Variants in CFAP54 observed in about 807,000 individuals in gnomAD.
The protein encoded by CFAP54 is cilia and flagella associated protein 54.
In CFAP54, 290 loss-of-function variants were observed where a neutral mutation model predicts 370.4. That is an observed-to-expected ratio of 0.78 (90% CI 0.71 to 0.86). CFAP54 has a LOEUF of 0.86. CFAP54 is among the 40% of genes least tolerant of loss of function. The pLI is 0.00. For synonymous variants in CFAP54, 1,206 were observed against 1,236.5 expected, an observed-to-expected ratio of 0.98 and a Z score of 0.52; for missense variants, 3,399 against 3,528.7, an observed-to-expected ratio of 0.96 and a Z score of 0.93.
intron 60 of CFAP54, among the ~76,000 whole-genome samples, chr12:96,766,462 C>T (rs1958402871): frequency 6.6e-6 from 1 of 152,112 alleles, no homozygotes; most frequent in Non-Finnish European, 1.5e-5. Context: ...GAGCTGGTCA[C>T]CACTTCTTTG....
At chr12:96,824,560 A>G (rs1216662417) in intron 65 of CFAP54, among the ~76,000 whole-genome samples, 2 of 152,188 alleles carry the variant, frequency 1.3e-5, no homozygotes, top group Non-Finnish European at 2.9e-5. Context: ...TAAGGGGTAT[A>G]TAGGAGTGGA....
intron 66 of CFAP54, among the ~76,000 whole-genome samples, chr12:96,837,718 G>T (rs760340110): frequency 6.6e-6 from 1 of 152,136 alleles, no homozygotes; most frequent in East Asian, 1.9e-4. Flanking sequence ...CAGTGATTTC[G>T]AGGCCATTGA....
chr12:96,589,506 T>C lies in CFAP54; in HGVS notation c.3155T>C (p.Leu1052Pro). The part of the protein sequence containing the change: ...PVWDYFVASP[L>P]QDEQSVICLS... Reference sequence around the variant, plus strand: ...TGGGATTATTTTGTTGCTTCGCCACTTCAGGATGAACAATCTGTTATTTGT... The same window carrying C: ...TGGGATTATTTTGTTGCTTCGCCACCTCAGGATGAACAATCTGTTATTTGT... The change falls in exon 23 of 68, where the codon CTT becomes CCT. Residue 1052 changes from leucine (L) to proline (P), a missense_variant. This residue lies in a region of CFAP54 where 2,796 missense variants were observed against 2,869.7 expected (regional missense o/e 0.97). Transcript: ENST00000524981. 1 of 1,502,024 alleles carries C rather than the reference T, an allele frequency of 6.7e-7. No individual in the cohort carries two copies. Among genetic ancestry groups the C allele is most frequent in the Non-Finnish European group, 9.0e-7 (1 of 1,116,086 alleles). The allele number at this position is 1,502,024 out of a possible 1,614,324, so 93.0% of individuals were successfully genotyped here. A position where few individuals can be genotyped will look rare whatever the true frequency, so the allele number is the denominator to read the frequency against.
At chr12:96,825,613 T>A (rs1430822895) in intron 65 of CFAP54, among the ~76,000 whole-genome samples, 1 of 120,576 alleles carries the variant, frequency 8.3e-6, no homozygotes, top group Non-Finnish European at 1.6e-5. Context: ...ATATTATATA[T>A]GATATAATAT....
At chr12:96,544,410 A>ATCTCTC (rs71068815) in intron 14 of CFAP54, among the ~76,000 whole-genome samples, 13 of 148,120 alleles carry the variant, frequency 8.8e-5, no homozygotes, top group South Asian at 2.2e-4. Context: ...AAAACAGAAT[A>ATCTCTC]TCTCTCTCTC....
intron 26 of CFAP54, among the ~76,000 whole-genome samples, chr12:96,609,352 G>A (rs974009940): frequency 3.9e-5 from 6 of 152,150 alleles, no homozygotes; most frequent in Admixed American, 3.3e-4. Context: ...AAGATTATAT[G>A]AAAAATGCCA....
intron 17 of CFAP54, among the ~76,000 whole-genome samples, chr12:96,557,852 T>C (rs989777132): frequency 2.6e-4 from 39 of 152,066 alleles, no homozygotes; most frequent in Non-Finnish European, 5.1e-4. Context: ...GTGACCTGCA[T>C]ATACATAAAT....
intron 12 of CFAP54, among the ~76,000 whole-genome samples, chr12:96,537,613 A>T (rs1219263471): frequency 6.6e-6 from 1 of 152,100 alleles, no homozygotes; most frequent in Non-Finnish European, 1.5e-5. Flanking sequence ...AAGTGCTGGG[A>T]TTATAGGTCT....
intron 25 of CFAP54, among the ~76,000 whole-genome samples, chr12:96,598,052 T>C (rs1956196985): frequency 6.6e-6 from 1 of 151,944 alleles, no homozygotes; most frequent in Non-Finnish European, 1.5e-5. Flanking sequence ...ATTTGTCCTT[T>C]GGGTTAATCT....
intron 50 of CFAP54, among the ~76,000 whole-genome samples, chr12:96,721,646 TTTC>T (rs1256458529): frequency 6.6e-6 from 1 of 152,234 alleles, no homozygotes; most frequent in Non-Finnish European, 1.5e-5. Flanking sequence ...AATGCATACA[TTTC>T]TTATCATTCA....
At chr12:96,557,299 A>G (rs1955764035) in intron 17 of CFAP54, among the ~76,000 whole-genome samples, 1 of 152,202 alleles carries the variant, frequency 6.6e-6, no homozygotes, top group Non-Finnish European at 1.5e-5. Flanking sequence ...CAAAACATCA[A>G]TAATAAGACA....
chr12:96,623,288 T>G (rs1956519751), intron 27 of CFAP54, among the ~76,000 whole-genome samples: 1 of 152,138 alleles, frequency 6.6e-6, no homozygotes, highest in African/African-American at 2.4e-5. Context: ...GGCTGATTCT[T>G]AATCCACTAA....
chr12:96,671,663 T>C (rs968378314), intron 39 of CFAP54, among the ~76,000 whole-genome samples: 1 of 152,208 alleles, frequency 6.6e-6, no homozygotes, highest in South Asian at 2.1e-4. Flanking sequence ...GGCTTACGCC[T>C]GTAATCCCAG....
rs370483025 is a variant in CFAP54, at chr12:96,658,221, A to G, written c.5335A>G (p.Thr1779Ala). Reference sequence around the variant, plus strand: ...TTTACCCCTGTCTAGTGAGAGGTATACAGAACAAGTGACACCACTTCTGGT... The same window carrying G: ...TTTACCCCTGTCTAGTGAGAGGTATGCAGAACAAGTGACACCACTTCTGGT... ...QFNTVSHERY[T>A]EQVTPLLVYA... Residue 1779 changes from threonine to alanine, a missense_variant, in exon 38 of 68, where the codon ACA becomes GCA. Thr to Ala is a moderately conservative substitution (Grantham distance 58, BLOSUM62 0). Around this residue, in one of 3 missense-constraint regions of CFAP54, gnomAD observed 2,796 missense variants for 2,869.7 expected, o/e 0.97. Coordinates refer to ENST00000524981, the MANE Select transcript of CFAP54 (RefSeq NM_001306084.2). The G allele has an allele frequency of 1.5e-5, 25 of 1,613,928 alleles. No individual in the cohort carries two copies. The African/African-American group carries it at 2.5e-4, about 16-fold the overall frequency.
chr12:96,616,987 G>A (rs1000106746), intron 26 of CFAP54, among the ~76,000 whole-genome samples: 7 of 152,208 alleles, frequency 4.6e-5, no homozygotes, highest in African/African-American at 1.4e-4. Flanking sequence ...AGTGGAGGTA[G>A]AGAGAATGGA....
intron 46 of CFAP54, among the ~76,000 whole-genome samples, chr12:96,701,788 G>A (rs1341060903): frequency 1.3e-5 from 2 of 152,076 alleles, no homozygotes; most frequent in Non-Finnish European, 2.9e-5. Context: ...AGGAGGAGGA[G>A]GAGGGACCTA....
chr12:96,627,457 C>T (rs1956559903), intron 30 of CFAP54, among the ~76,000 whole-genome samples: 2 of 152,216 alleles, frequency 1.3e-5, no homozygotes, highest in South Asian at 2.1e-4. Context: ...AATTATGAGA[C>T]ATGCCAAATG....
chr12:96,539,052 C>A (rs1259839700), intron 13 of CFAP54, among the ~76,000 whole-genome samples: 5 of 138,746 alleles, frequency 3.6e-5, no homozygotes, highest in Non-Finnish European at 7.9e-5. Context: ...CCACCACGCC[C>A]GGCCTTTTCA....
chr12:96,656,763 G>A (rs1358761973), intron 36 of CFAP54, among the ~76,000 whole-genome samples: 1 of 152,186 alleles, frequency 6.6e-6, no homozygotes, highest in Non-Finnish European at 1.5e-5. Flanking sequence ...CAGAAATAAG[G>A]CATAGGCATG....
Sources: gnomAD v4.1 joint callset for allele counts (sites outside exome capture counted in the v4.1 genomes callset) on GRCh38, gnomAD v4.1.1 for gene constraint, gnomAD v4.1.1 regional missense constraint, MANE v1.5 for transcripts, NCBI Gene and HGNC (gene_info 2026-07-23, HGNC 2026-07-21) for gene names.